The following GRID1 variants were observed in gnomAD, a reference collection of about 807,000 sequenced individuals.
GRID1 encodes glutamate receptor ionotropic, delta-1.
Under a neutral mutation model 98.0 loss-of-function variants are expected in GRID1, and 28 were observed. That is an observed-to-expected ratio of 0.29 (90% CI 0.21 to 0.39). GRID1 has a LOEUF of 0.39. GRID1 is among the 10% of genes least tolerant of loss of function. The pLI is 1.00. For synonymous variants in GRID1, 553 were observed against 538.5 expected, an observed-to-expected ratio of 1.03 and a Z score of -0.37; for missense variants, 1,111 against 1,340.5, an observed-to-expected ratio of 0.83 and a Z score of 2.67.
chr10:86,237,699 C>CAA (rs60612464), intron 2 of GRID1, among the ~76,000 whole-genome samples: 7 of 90,218 alleles, frequency 7.8e-5, no homozygotes, highest in East Asian at 3.3e-4. Context: ...GACTCTGTCT[C>CAA]AAAAAAAAAA....
chr10:86,322,123 T>C (rs1290862552), intron 2 of GRID1, among the ~76,000 whole-genome samples: 4 of 151,896 alleles, frequency 2.6e-5, no homozygotes, highest in Admixed American at 2.6e-4. Flanking sequence ...ATCATTAAAG[T>C]TTAAAAAGGG....
At chr10:85,981,156 C>A (rs955372563) in intron 4 of GRID1, among the ~76,000 whole-genome samples, 1 of 152,176 alleles carries the variant, frequency 6.6e-6, no homozygotes, top group African/African-American at 2.4e-5. Flanking sequence ...AGGCTCCAGG[C>A]TCTGACCCAG....
At chr10:85,859,396 G>A (rs1012550480) in intron 6 of GRID1, among the ~76,000 whole-genome samples, 1 of 151,970 alleles carries the variant, frequency 6.6e-6, no homozygotes. Flanking sequence ...GTGATGGATG[G>A]ATGGATGGAT....
chr10:86,335,131 A>G (rs1317601058), intron 2 of GRID1, among the ~76,000 whole-genome samples: 2 of 152,244 alleles, frequency 1.3e-5, no homozygotes, highest in Non-Finnish European at 2.9e-5. Flanking sequence ...TGCTATAACC[A>G]TTAAAACCAG....
At chr10:86,042,293 TACTC>T (rs1843358387) in intron 4 of GRID1, among the ~76,000 whole-genome samples, 1 of 152,186 alleles carries the variant, frequency 6.6e-6, no homozygotes, top group African/African-American at 2.4e-5. Context: ...CCTGGCCTGA[TACTC>T]ACGCCTCTGG....
At chr10:85,866,849 T>A (rs990490454) in intron 6 of GRID1, among the ~76,000 whole-genome samples, 6 of 152,214 alleles carry the variant, frequency 3.9e-5, no homozygotes, top group Admixed American at 6.5e-5. Flanking sequence ...CTGTTGCTGC[T>A]ATTACTACAA....
At chr10:85,791,282 C>T (rs1244083770) in intron 8 of GRID1, among the ~76,000 whole-genome samples, 1 of 152,200 alleles carries the variant, frequency 6.6e-6, no homozygotes, top group Non-Finnish European at 1.5e-5. Flanking sequence ...GAAAGATGCC[C>T]CATGGCGAGA....
At chr10:85,851,459 G>A (rs1157405427) in intron 8 of GRID1, among the ~76,000 whole-genome samples, 3 of 152,206 alleles carry the variant, frequency 2.0e-5, no homozygotes, top group African/African-American at 7.2e-5. Flanking sequence ...GCACCCTGCA[G>A]TTGAAAGGCG....
intron 4 of GRID1, among the ~76,000 whole-genome samples, chr10:86,077,681 T>G (rs1843902707): frequency 6.6e-6 from 1 of 152,204 alleles, no homozygotes; most frequent in African/African-American, 2.4e-5. Flanking sequence ...CCACTCTAAT[T>G]TGACCACTGT....
At chr10:85,668,738 G>A (rs1046575863) in intron 12 of GRID1, among the ~76,000 whole-genome samples, 13 of 152,326 alleles carry the variant, frequency 8.5e-5, no homozygotes, top group African/African-American at 2.9e-4. Flanking sequence ...ACCTGCCATT[G>A]CTTAAAGGAA....
At chr10:86,200,229 T>C (rs544041621) in intron 3 of GRID1, among the ~76,000 whole-genome samples, 11 of 152,224 alleles carry the variant, frequency 7.2e-5, no homozygotes, top group African/African-American at 2.4e-4. Context: ...CCCAGTGCCC[T>C]TTGCTTGCCT....
At chr10:86,144,224 G>T (rs1564688967) in intron 3 of GRID1, among the ~76,000 whole-genome samples, 1 of 152,176 alleles carries the variant, frequency 6.6e-6, no homozygotes. Context: ...ATGCTGGATG[G>T]GAGGGGACTT....
intron 8 of GRID1, among the ~76,000 whole-genome samples, chr10:85,735,017 C>T (rs938330537): frequency 3.9e-5 from 6 of 152,136 alleles, no homozygotes; most frequent in East Asian, 3.8e-4. Context: ...AAAAGCCAAA[C>T]GAGGCCGATG....
At chr10:86,058,833 C>G (rs983927555) in intron 4 of GRID1, among the ~76,000 whole-genome samples, 1 of 152,208 alleles carries the variant, frequency 6.6e-6, no homozygotes, top group East Asian at 1.9e-4. Flanking sequence ...GACACCAGGT[C>G]CCAGCCCTTG....
intron 3 of GRID1, among the ~76,000 whole-genome samples, chr10:86,185,185 T>A (rs1481723742): frequency 6.6e-6 from 1 of 152,146 alleles, no homozygotes; most frequent in Non-Finnish European, 1.5e-5. Context: ...GTTTTCAGTG[T>A]ACAGATCTTG....
In GRID1 at chr10:85,886,629, C is replaced by T. The variant is rs192118975; in HGVS notation, c.781-17449G>A. Among the ~76,000 whole-genome samples, 381 of 152,172 alleles carry T rather than the reference C, an allele frequency of 2.5e-3. 3 individuals carry two copies. Among genetic ancestry groups the T allele is most frequent in the African/African-American group, 9.0e-3 (372 of 41,518 alleles). On this transcript the variant is annotated intron_variant, in intron 5 of 15. Coordinates refer to ENST00000327946, the MANE Select transcript of GRID1 (RefSeq NM_017551.3). Reference sequence around the variant, plus strand: ...CTTCTTAGAAATATTTCATTGAAAACAGAGAAAGAGTAACTGCAAAGGTCT... The same window carrying T: ...CTTCTTAGAAATATTTCATTGAAAATAGAGAAAGAGTAACTGCAAAGGTCT...
rs897208864 is a variant in GRID1 at position 86,150,424 on chromosome 10, T to C, written c.521-11400A>G. Among the ~76,000 whole-genome samples, 5 of 152,250 alleles carry C rather than the reference T, an allele frequency of 3.3e-5. No individual in the cohort carries two copies. The South Asian group carries it at 1.0e-3, about 32-fold the overall frequency. ...CAGAGGAATGACCCACATCATTGCTTTGAGGGAGCTCTGGGTATTTTTCTG... is the reference window on the plus strand; with the variant it reads ...CAGAGGAATGACCCACATCATTGCTCTGAGGGAGCTCTGGGTATTTTTCTG... On this transcript the variant is annotated intron_variant, in intron 3 of 15. Coordinates refer to ENST00000327946, the MANE Select transcript of GRID1 (RefSeq NM_017551.3).
At chr10:85,703,093 A>G (rs1281721103) in intron 12 of GRID1, among the ~76,000 whole-genome samples, 1 of 152,076 alleles carries the variant, frequency 6.6e-6, no homozygotes, top group Non-Finnish European at 1.5e-5. Flanking sequence ...TCTCCATTGT[A>G]TGACACACAG....
intron 8 of GRID1, among the ~76,000 whole-genome samples, chr10:85,751,264 C>G (rs12359579): frequency 0.2 from 30,959 of 152,084 alleles, 3,428 homozygotes; most frequent in Middle Eastern, 0.28. Context: ...TTATAAATGA[C>G]ACAAGTCACA....
Sources: allele counts gnomAD v4.1 joint callset (sites outside exome capture counted in the v4.1 genomes callset), GRCh38; gene constraint gnomAD v4.1.1; transcripts MANE v1.5; gene names NCBI Gene and HGNC (gene_info 2026-07-23, HGNC 2026-07-21).